BARX2: variants seen among roughly 807,000 people sequenced by gnomAD.
BARX2 encodes homeobox protein BarH-like 2.
BARX2 carries 11 observed loss-of-function variants against 25.5 expected under a neutral mutation model. The observed-to-expected ratio is 0.43, with a 90% CI of 0.27 to 0.71. The LOEUF is 0.71. Among genes scored for constraint, BARX2 ranks in the 30% least tolerant of loss-of-function variants. BARX2 has a pLI of 0.19. For synonymous variants in BARX2, 137 were observed against 149.5 expected, an observed-to-expected ratio of 0.92 and a Z score of 0.61; for missense variants, 360 against 359.9, an observed-to-expected ratio of 1.00 and a Z score of 0.00.
At chr11:129,450,518 CT>C (rs550186516) in intron 3 of BARX2, among the ~76,000 whole-genome samples, 179 of 152,302 alleles carry the variant, frequency 1.2e-3, no homozygotes, top group African/African-American at 4.1e-3. Flanking sequence ...AGTATTCTGT[CT>C]TTGGGATTTA....
At chr11:129,402,593 C>G (rs1278335221) in intron 1 of BARX2, among the ~76,000 whole-genome samples, 1 of 152,134 alleles carries the variant, frequency 6.6e-6, no homozygotes, top group Non-Finnish European at 1.5e-5. Flanking sequence ...GAAAAATGAG[C>G]TATTCATGAA....
chr11:129,411,415 A>C (rs988500111), intron 1 of BARX2, among the ~76,000 whole-genome samples: 1 of 151,294 alleles, frequency 6.6e-6, no homozygotes, highest in South Asian at 2.1e-4. Flanking sequence ...AGCAGAGTGG[A>C]TATTACTGAA....
chr11:129,441,908 T>C (rs1862265581), intron 2 of BARX2, among the ~76,000 whole-genome samples: 1 of 152,182 alleles, frequency 6.6e-6, no homozygotes, highest in South Asian at 2.1e-4. Flanking sequence ...TAAGACAGCA[T>C]GTCAGGGGCT....
At chr11:129,405,740 A>T (rs1437868256) in intron 1 of BARX2, among the ~76,000 whole-genome samples, 1 of 152,200 alleles carries the variant, frequency 6.6e-6, no homozygotes, top group Non-Finnish European at 1.5e-5. Flanking sequence ...TCTATTTTGC[A>T]TTCTGACCCT....
chr11:129,384,324 G>A (rs1387880313), intron 1 of BARX2, among the ~76,000 whole-genome samples: 1 of 151,982 alleles, frequency 6.6e-6, no homozygotes, highest in Non-Finnish European at 1.5e-5. Flanking sequence ...CTTACCATGT[G>A]GAGAAATGGA....
rs771114155 is a variant in BARX2, at chr11:129,376,052, A to C, written c.17A>C (p.Glu6Ala). The change falls in exon 1 of 4, where the codon GAG becomes GCG. Residue 6 changes from glutamate (E) to alanine (A), a missense_variant. Physicochemically the swap from Glu to Ala is moderately radical, Grantham distance 107. Coordinates refer to ENST00000281437, the MANE Select transcript of BARX2 (RefSeq NM_003658.5). The surrounding 1 kb of genome is among the most constrained non-coding windows in gnomAD (Gnocchi z 4.2). Reference sequence around the variant, plus strand: ...CGGCTCACCATGCACTGCCACGCCGAGCTGAGGCTGAGCTCGCCCGGCCAG... The same window carrying C: ...CGGCTCACCATGCACTGCCACGCCGCGCTGAGGCTGAGCTCGCCCGGCCAG... MHCHA[E>A]LRLSSPGQLK... The C allele has an allele frequency of 1.9e-6, 3 of 1,594,584 alleles. No individual in the cohort carries two copies. The highest frequency in any genetic ancestry group is 1.1e-5 in the South Asian group (1 of 89,334).
chr11:129,386,734 T>A (rs1861619512), intron 1 of BARX2, among the ~76,000 whole-genome samples: 1 of 152,258 alleles, frequency 6.6e-6, no homozygotes, highest in South Asian at 2.1e-4. Flanking sequence ...TTAGAAATGT[T>A]GCTATTAGAC....
chr11:129,389,072 A>G (rs1344029822), intron 1 of BARX2, among the ~76,000 whole-genome samples: 1 of 152,168 alleles, frequency 6.6e-6, no homozygotes, highest in African/African-American at 2.4e-5. Context: ...CTTAACTTCT[A>G]TGACACGTAA....
chr11:129,428,002 T>G (rs1310316300), intron 1 of BARX2, among the ~76,000 whole-genome samples: 1 of 152,196 alleles, frequency 6.6e-6, no homozygotes, highest in African/African-American at 2.4e-5. Flanking sequence ...CAAAAACAGA[T>G]TCTCAAAAAG....
intron 1 of BARX2, among the ~76,000 whole-genome samples, chr11:129,382,137 G>T (rs1321847759): frequency 6.6e-6 from 1 of 152,176 alleles, no homozygotes; most frequent in Non-Finnish European, 1.5e-5. Flanking sequence ...AGATGCAAAG[G>T]TAGGTACGTC....
In BARX2 at chr11:129,442,839, G is replaced by C. The variant is rs750219485; in HGVS notation, c.493G>C (p.Asp165His). 2 of 1,613,492 alleles carry C rather than the reference G, an allele frequency of 1.2e-6. No individual in the cohort carries two copies. The highest frequency in any genetic ancestry group is 1.7e-6 in the Non-Finnish European group (2 of 1,179,594). ...TTTGTATCTTGTGCCTTCTAGGTTG[G>C]ACTTGGCTCAGTCTCTGGGACTCAC... ...QKYLSTPDRLDLAQSLGLTQL... is the reference protein window; with the variant it reads ...QKYLSTPDRLHLAQSLGLTQL... The change falls in exon 3 of 4, where the codon GAC becomes CAC. Residue 165 changes from aspartate to histidine, a missense_variant. This residue lies in a region of BARX2 where 240 missense variants were observed against 228.7 expected (regional missense o/e 1.05). Coordinates refer to ENST00000281437, the MANE Select transcript of BARX2 (RefSeq NM_003658.5).
chr11:129,413,792 A>G (rs3019121), intron 1 of BARX2, among the ~76,000 whole-genome samples: 118,230 of 152,066 alleles, frequency 0.78, 46,584 homozygotes, highest in East Asian at 0.91. Flanking sequence ...GGCCGGGCGC[A>G]GTGGCTCACG....
chr11:129,409,405 C>G (rs1027493076), intron 1 of BARX2, among the ~76,000 whole-genome samples: 3 of 152,148 alleles, frequency 2.0e-5, no homozygotes, highest in African/African-American at 7.2e-5. Context: ...TCTAGGATCT[C>G]TATCATCCCC....
At chr11:129,410,486 TTCC>T (rs1861874803) in intron 1 of BARX2, among the ~76,000 whole-genome samples, 3 of 152,242 alleles carry the variant, frequency 2.0e-5, no homozygotes, top group Admixed American at 6.5e-5. Flanking sequence ...GTTTGAGGCT[TTCC>T]TCAGATGTTT....
At chr11:129,450,313 A>G (rs1862381778) in intron 3 of BARX2, among the ~76,000 whole-genome samples, 1 of 152,260 alleles carries the variant, frequency 6.6e-6, no homozygotes, top group African/African-American at 2.4e-5. Context: ...TAGAAAATAT[A>G]GAAAAAACAA....
intron 1 of BARX2, among the ~76,000 whole-genome samples, chr11:129,396,174 C>G (rs899702102): frequency 1.3e-5 from 2 of 152,192 alleles, no homozygotes; most frequent in East Asian, 3.9e-4. Flanking sequence ...ATCTTGGGGC[C>G]CCTCACACCA....
intron 1 of BARX2, among the ~76,000 whole-genome samples, chr11:129,434,189 G>T (rs1170079792): frequency 6.6e-6 from 1 of 150,868 alleles, no homozygotes; most frequent in Non-Finnish European, 1.5e-5. Flanking sequence ...AATATATTAG[G>T]TATTTTCTCG....
At chr11:129,389,889 G>A (rs1861650947) in intron 1 of BARX2, among the ~76,000 whole-genome samples, 1 of 152,176 alleles carries the variant, frequency 6.6e-6, no homozygotes, top group South Asian at 2.1e-4. Flanking sequence ...TTCAGAGTGA[G>A]TTCCAAATGA....
chr11:129,417,760 AG>A (rs1283286551), intron 1 of BARX2, among the ~76,000 whole-genome samples: 1 of 152,234 alleles, frequency 6.6e-6, no homozygotes, highest in Non-Finnish European at 1.5e-5. Flanking sequence ...TTCCTCTGTC[AG>A]ATCATAACAG....
Sources: allele counts gnomAD v4.1 joint callset (sites outside exome capture counted in the v4.1 genomes callset), GRCh38; gene constraint gnomAD v4.1.1; regional missense constraint gnomAD v4.1.1; non-coding constraint Gnocchi (gnomAD v3.1); transcripts MANE v1.5; gene names NCBI Gene and HGNC (gene_info 2026-07-23, HGNC 2026-07-21).